The following UBE2W variants were observed in gnomAD, a reference collection of about 807,000 sequenced individuals.
The protein encoded by UBE2W is ubiquitin-conjugating enzyme E2 W.
UBE2W carries 18 observed loss-of-function variants against 27.2 expected under a neutral mutation model. The ratio of observed to expected loss-of-function variants is 0.66; its 90% CI spans 0.46 to 0.98. The LOEUF (loss-of-function observed/expected upper bound fraction) is 0.98, where lower values mean the gene tolerates loss of function less well. Ranked by LOEUF, UBE2W falls within the 50% of genes least tolerant of loss-of-function variation. The probability of loss-of-function intolerance (pLI) is 0.00; values close to 1 mark genes in which losing one functional copy is unlikely to be tolerated. For synonymous variants in UBE2W, 53 were observed against 57.2 expected, an observed-to-expected ratio of 0.93 and a Z score of 0.33; for missense variants, 90 against 180.2, an observed-to-expected ratio of 0.50 and a Z score of 2.87.
chr8:73,811,534 G>T (rs1023321722), intron 3 of UBE2W, among the ~76,000 whole-genome samples: 21 of 151,396 alleles, frequency 1.4e-4, no homozygotes, highest in Non-Finnish European at 1.6e-4. Context: ...CAGGTTAGCA[G>T]TAATTCCTAA....
rs199598183 is a variant in UBE2W, at chr8:73,837,541, TA to T, written c.16-7070del. ...AAAAAAAAAAATTATGAAGTGGTAT[TA>T]AAGAGTTTAATTTTCCTAAGTCTAC... On this transcript the variant is annotated intron_variant, in intron 1 of 5. Coordinates refer to ENST00000602593, the MANE Select transcript of UBE2W (RefSeq NM_018299.6). 4.8e-3 allele frequency among the ~76,000 whole-genome samples: 731 copies of T among 152,276 alleles called. 5 individuals carry two copies. Among genetic ancestry groups the T allele is most frequent in the Admixed American group, 8.1e-3 (124 of 15,286 alleles).
chr8:73,791,051 C>T lies in UBE2W; in HGVS notation c.*3051G>A, dbSNP rs1201584116. The T allele has an allele frequency of 2.0e-6, 2 of 984,360 alleles. No homozygotes were observed. Among genetic ancestry groups the T allele is most frequent in the African/African-American group, 1.7e-5 (1 of 57,190 alleles). The allele number at this position is 984,360 out of a possible 1,614,324, so 61.0% of individuals were successfully genotyped here. A position where few individuals can be genotyped will look rare whatever the true frequency, so the allele number is the denominator to read the frequency against. On this transcript the variant is annotated 3_prime_UTR_variant, in exon 6 of 6. Transcript: ENST00000602593. The stretch of plus-strand genomic sequence containing the variant: ...GATCTTTCTCCAGGTGAACTGCTGA[C>T]TATATAGAAGCTATTTCCAGCACTT...
In UBE2W at chr8:73,792,951, CTT is replaced by C. The variant is rs1389115053; in HGVS notation, c.*1149_*1150del. On this transcript the variant is annotated 3_prime_UTR_variant, in exon 6 of 6. Transcript: ENST00000602593. ...ATTTTAAAATAAAAATGTCCACACTCTTTTGTTAAAACATTAAGCCTCTGTCA... is the reference window on the plus strand; with the variant it reads ...ATTTTAAAATAAAAATGTCCACACTCTTGTTAAAACATTAAGCCTCTGTCA... 5.1e-6 allele frequency: 5 copies of C among 985,496 alleles called. No individual in the cohort carries two copies. The highest frequency in any genetic ancestry group is 3.5e-5 in the African/African-American group (2 of 57,208). The allele number at this position is 985,496 out of a possible 1,614,324, so 61.0% of individuals were successfully genotyped here. A position where few individuals can be genotyped will look rare whatever the true frequency, so the allele number is the denominator to read the frequency against.
chr8:73,828,857 T>C (rs556097777), intron 2 of UBE2W, among the ~76,000 whole-genome samples: 2 of 152,288 alleles, frequency 1.3e-5, no homozygotes, highest in Non-Finnish European at 2.9e-5. Context: ...AAATACTAGA[T>C]CTTCTTCATT....
At chr8:73,866,086 G>C (rs944544466) in intron 1 of UBE2W, among the ~76,000 whole-genome samples, 1 of 151,614 alleles carries the variant, frequency 6.6e-6, no homozygotes, top group Non-Finnish European at 1.5e-5. Context: ...GACCATCCTG[G>C]CCAACATGGT....
chr8:73,863,910 G>T, intron 1 of UBE2W, among the ~76,000 whole-genome samples: 1 of 148,542 alleles, frequency 6.7e-6, no homozygotes, highest in South Asian at 2.1e-4. Context: ...GAACTGCATG[G>T]TTAACTCAAA....
intron 2 of UBE2W, among the ~76,000 whole-genome samples, chr8:73,826,384 T>C (rs1242815558): frequency 6.6e-6 from 1 of 152,208 alleles, no homozygotes; most frequent in Admixed American, 6.5e-5. Context: ...TCACTTATAA[T>C]TCTTGTACAC....
At position 73,790,551 on chromosome 8, in the gene UBE2W, A is replaced by C. The variant is rs1411495058; in HGVS notation, c.*3551T>G. 1 of 984,248 alleles carries C rather than the reference A, an allele frequency of 1.0e-6. No individual in the cohort carries two copies. Among genetic ancestry groups the C allele is most frequent in the Non-Finnish European group, 1.2e-6 (1 of 828,930 alleles). 61.0% of individuals were successfully genotyped at this position (984,248 alleles called of 1,614,324 possible). A position where few individuals can be genotyped will look rare whatever the true frequency, so the allele number is the denominator to read the frequency against. On this transcript the variant is annotated 3_prime_UTR_variant, in exon 6 of 6. Transcript: ENST00000602593. ...TAAGCATTCAGCTAAGATATGTACAAAAAAATTAATGAAAGTGAGATCAAG... is the reference window on the plus strand; with the variant it reads ...TAAGCATTCAGCTAAGATATGTACACAAAAATTAATGAAAGTGAGATCAAG...
intron 5 of UBE2W, among the ~76,000 whole-genome samples, chr8:73,803,047 A>G (rs564029976): frequency 4.0e-5 from 6 of 150,716 alleles, no homozygotes; most frequent in African/African-American, 1.5e-4. Flanking sequence ...ATAAACAAAA[A>G]TAAAAATAAA....
At chr8:73,794,609 A>G (rs535425446) in intron 5 of UBE2W, among the ~76,000 whole-genome samples, 1 of 152,262 alleles carries the variant, frequency 6.6e-6, no homozygotes, top group Admixed American at 6.5e-5. Flanking sequence ...CCTTTAGAAA[A>G]TAAGTTTTCA....
chr8:73,836,617 G>A (rs1810317965), intron 1 of UBE2W, among the ~76,000 whole-genome samples: 1 of 152,296 alleles, frequency 6.6e-6, no homozygotes, highest in Admixed American at 6.5e-5. Flanking sequence ...AAAGATAAAT[G>A]AAAATTCACA....
intron 3 of UBE2W, among the ~76,000 whole-genome samples, chr8:73,820,080 C>T (rs1809545994): frequency 6.6e-6 from 1 of 152,138 alleles, no homozygotes; most frequent in African/African-American, 2.4e-5. Context: ...GGATTACAGG[C>T]ATGAGTACCA....
chr8:73,869,736 T>C (rs192612201), intron 1 of UBE2W, among the ~76,000 whole-genome samples: 410 of 151,772 alleles, frequency 2.7e-3, no homozygotes, highest in Admixed American at 5.2e-3. Context: ...TGGTGGTGCA[T>C]GCCTGTAGTA....
At chr8:73,816,962 A>G (rs1356910503) in intron 3 of UBE2W, among the ~76,000 whole-genome samples, 2 of 152,064 alleles carry the variant, frequency 1.3e-5, no homozygotes, top group African/African-American at 4.8e-5. Context: ...TGAACCCGGG[A>G]GGCGGAGGTT....
chr8:73,811,070 T>G (rs1809130869), intron 3 of UBE2W, among the ~76,000 whole-genome samples: 1 of 152,184 alleles, frequency 6.6e-6, no homozygotes, highest in African/African-American at 2.4e-5. Flanking sequence ...TACTACTACC[T>G]GTTAACAATG....
At chr8:73,827,993 G>A (rs995000855) in intron 2 of UBE2W, among the ~76,000 whole-genome samples, 3 of 152,060 alleles carry the variant, frequency 2.0e-5, no homozygotes, top group African/African-American at 7.2e-5. Flanking sequence ...CTATACCATC[G>A]AAGCCTATAT....
intron 1 of UBE2W, among the ~76,000 whole-genome samples, chr8:73,863,874 A>G (rs1211419405): frequency 6.6e-6 from 1 of 152,044 alleles, no homozygotes; most frequent in East Asian, 1.9e-4. Flanking sequence ...TTTCGATGTG[A>G]TATCAAAGTT....
rs1339546578 is a variant in UBE2W, at chr8:73,788,964, A to C, written c.*5138T>G. The C allele has an allele frequency of 4.1e-6, 4 of 983,082 alleles. No individual in the cohort carries two copies. In the African/African-American group the frequency reaches 7.0e-5, roughly 17 times the overall value. 60.9% of individuals were successfully genotyped at this position (983,082 alleles called of 1,614,324 possible). The stretch of plus-strand genomic sequence containing the variant: ...ACCCTCAGATATTTTATTAACAAAA[A>C]ATTTTTCATAAAAAAATAGTCATTT... On this transcript the variant is annotated 3_prime_UTR_variant, in exon 6 of 6. Transcript: ENST00000602593.
In UBE2W at chr8:73,793,430, T is replaced by G; in HGVS notation, c.*672A>C. 1.0e-6 allele frequency: 1 copy of G among 985,884 alleles called. No individual in the cohort carries two copies. The highest frequency in any genetic ancestry group is 1.2e-6 in the Non-Finnish European group (1 of 829,924). The allele number at this position is 985,884 out of a possible 1,614,324, so 61.1% of individuals were successfully genotyped here. ...TATTTTCACCATAGGGATAACATACTGTACCTCTCTGCCAATGTTACTTGA... is the reference window on the plus strand; with the variant it reads ...TATTTTCACCATAGGGATAACATACGGTACCTCTCTGCCAATGTTACTTGA... On this transcript the variant is annotated 3_prime_UTR_variant, in exon 6 of 6. Transcript: ENST00000602593.
Sources: allele counts gnomAD v4.1 joint callset (sites outside exome capture counted in the v4.1 genomes callset), GRCh38; gene constraint gnomAD v4.1.1; transcripts MANE v1.5; gene names NCBI Gene and HGNC (gene_info 2026-07-23, HGNC 2026-07-21).